Variants in BRAT1 observed in about 807,000 individuals in gnomAD.
The protein encoded by BRAT1 is BRCA1 associated ATM activator 1.
Under a neutral mutation model 70.6 loss-of-function variants are expected in BRAT1, and 74 were observed. That is an observed-to-expected ratio of 1.05 (90% confidence interval 0.87 to 1.27). The LOEUF (loss-of-function observed/expected upper bound fraction) is 1.27. BRAT1 is among the 50% of genes most tolerant of loss of function. BRAT1 has a pLI of 0.00. For synonymous variants in BRAT1, 615 were observed against 517.1 expected (o/e 1.19, Z -2.57); for missense variants, 1,203 against 1,098.2 (o/e 1.10, Z -1.35).
chr7:2,555,424 G>A (rs916393337), intron 1 of BRAT1, 63 bp downstream of exon 1: 4 of 151,626 alleles, frequency 2.6e-5, no homozygotes, highest in African/African-American at 4.9e-5. Flanking sequence ...CCCCTCGGCC[G>A]GGTCTTGGCC....
intron 10 of BRAT1, chr7:2,540,142 A>G: frequency 2.2e-6 from 1 of 448,658 alleles, no homozygotes; most frequent in Non-Finnish European, 3.9e-6. Context: ...CCTCAGCCTC[A>G]TGAGTAGCTG....
At position 2,541,787 on chromosome 7, in the gene BRAT1, C is replaced by T; in HGVS notation, c.1065G>A (p.Leu355=). 2 of 1,612,786 alleles carry T rather than the reference C, an allele frequency of 1.2e-6. No homozygotes were observed. The highest frequency in any genetic ancestry group is 1.1e-5 in the South Asian group (1 of 91,062). ...ADDATTVDTL[L]ASKSSCAGLL... Reference sequence around the variant, plus strand: ...GGCCGGCGCAGGACGACTTGGAGGCCAGGAGTGTGTCCACCGTCGTGGCAT... The same window carrying T: ...GGCCGGCGCAGGACGACTTGGAGGCTAGGAGTGTGTCCACCGTCGTGGCAT... The change falls in exon 8 of 14, where the codon CTG becomes CTA. Residue 355 remains leucine (L), a synonymous_variant. Transcript: ENST00000340611.
rs1451298376 is a variant in BRAT1 at position 2,543,685 on chromosome 7, C to T, written c.708G>A (p.Leu236=). The T allele has an allele frequency of 1.3e-5, 20 of 1,568,854 alleles. No individual in the cohort carries two copies. Among genetic ancestry groups the T allele is most frequent in the Non-Finnish European group, 1.5e-5 (17 of 1,151,756 alleles). ...CCACGCGGGGACTCAGCCGCACCCA[C>T]AGGGCTTCCGTCCAGGGGCTCTGGC... ...GRCQSPWTEA[L]WVRLSPRVAC... Residue 236 remains leucine (L), a synonymous_variant, in exon 5 of 14, where the codon CTG becomes CTA. Coordinates refer to ENST00000340611, the MANE Select transcript of BRAT1 (RefSeq NM_152743.4). The surrounding 1 kb of genome is among the most constrained non-coding windows in gnomAD (Gnocchi z 5.5).
intron 4 of BRAT1, 122 bp from the exon 5 acceptor site, chr7:2,544,084 C>T (rs1184810664): frequency 2.4e-6 from 2 of 816,730 alleles, no homozygotes; most frequent in Admixed American, 7.4e-5. Flanking sequence ...CCAAATGCCT[C>T]TCCACTCAAA....
intron 4 of BRAT1, 194 bp from the exon 5 acceptor site, chr7:2,544,156 A>C (rs1348071380): frequency 2.1e-6 from 1 of 466,882 alleles, no homozygotes; most frequent in Non-Finnish European, 3.8e-6. Context: ...CCGAGCGTTA[A>C]ACACACACAG....
At chr7:2,553,871 T>A (rs1257683487) in intron 2 of BRAT1, among the ~76,000 whole-genome samples, 1 of 151,740 alleles carries the variant, frequency 6.6e-6, no homozygotes, top group African/African-American at 2.4e-5. Context: ...GGTCTTGAAC[T>A]CCTGGACTTA....
chr7:2,539,885 G>C lies in BRAT1; in HGVS notation c.1399C>G (p.Leu467Val), dbSNP rs1172100720. The change falls in exon 11 of 14, where the codon CTG becomes GTG. Residue 467 changes from leucine to valine, a missense_variant. By Grantham distance (32) the Leu-to-Val change is conservative. Transcript: ENST00000340611. ...AGCGTGGCCTGGAAGGCCTTCTTCA[G>C]AACCTGGAGCAGATAGGGTGGGCTG... ...LESPGSSPTV[L>V]KKAFQATLRW... The C allele has an allele frequency of 6.4e-7, 1 of 1,560,698 alleles. No individual in the cohort carries two copies. The highest frequency in any genetic ancestry group is 1.4e-5 in the African/African-American group (1 of 73,306).
At chr7:2,545,168 A>C in intron 3 of BRAT1, 112 bp from the exon 4 acceptor site, 1 of 1,211,074 alleles carries the variant, frequency 8.3e-7, no homozygotes, top group Non-Finnish European at 1.1e-6. Context: ...GTTCGAGACC[A>C]GCCTGACCAA....
At chr7:2,552,183 T>A (rs2128412563) in intron 2 of BRAT1, among the ~76,000 whole-genome samples, 1 of 140,116 alleles carries the variant, frequency 7.1e-6, no homozygotes, top group East Asian at 2.2e-4. Context: ...AATGGCGTTA[T>A]CTCGGCTCAC....
chr7:2,543,756 T>G lies in BRAT1; in HGVS notation c.637A>C (p.Lys213Gln), dbSNP rs1456954192. The G allele has an allele frequency of 6.2e-7, 1 of 1,606,276 alleles. No individual in the cohort carries two copies. The highest frequency in any genetic ancestry group is 1.1e-5 in the South Asian group (1 of 90,688). ...EESLCSAATPKVTQALNVLTT... is the reference protein window; with the variant it reads ...EESLCSAATPQVTQALNVLTT... ...AGGACGTTCAGGGCCTGAGTGACCT[T>G]GGGGGTGGCCGCGGAGCACAAGGAC... Residue 213 changes from lysine (K) to glutamine (Q), a missense_variant, in exon 5 of 14, where the codon AAG (lysine) becomes CAG (glutamine). Transcript: ENST00000340611. This position sits in a 1 kb window ranked among gnomAD's most constrained non-coding sequence, Gnocchi z 5.5.
intron 6 of BRAT1, chr7:2,542,433 A>G (rs1779248895): frequency 1.2e-5 from 7 of 577,774 alleles, no homozygotes; most frequent in South Asian, 1.2e-4. Context: ...TGTCCTTAGG[A>G]GCAGATACTG....
chr7:2,539,386 G>C, intron 12 of BRAT1, 35 bp from the exon 13 acceptor site: 1 of 1,580,446 alleles, frequency 6.3e-7, no homozygotes, highest in Non-Finnish European at 8.6e-7. Flanking sequence ...AGCTGTGACT[G>C]AGGGCCGAGC....
At position 2,547,437 on chromosome 7, in the gene BRAT1, C is replaced by T. The variant is rs1432360316; in HGVS notation, c.169G>A (p.Glu57Lys). 6.2e-7 allele frequency: 1 copy of T among 1,614,090 alleles called. No homozygotes were observed. The change falls in exon 3 of 14, where the codon GAG becomes AAG. Residue 57 changes from glutamate to lysine, a missense_variant. Glu to Lys is a moderately conservative substitution (Grantham distance 56, BLOSUM62 1). Coordinates refer to ENST00000340611, the MANE Select transcript of BRAT1 (RefSeq NM_152743.4). Reference sequence around the variant, plus strand: ...ACTTTCAGCACATGGGACAGCAGCTCCACCAGGCAGGGGTGCTCCTGCAGC... The same window carrying T: ...ACTTTCAGCACATGGGACAGCAGCTTCACCAGGCAGGGGTGCTCCTGCAGC... Reference protein sequence around the residue: ...VLLQEHPCLVELLSHVLKVQD... With the variant: ...VLLQEHPCLVKLLSHVLKVQD...
chr7:2,554,373 C>T lies in BRAT1; in HGVS notation c.59G>A (p.Arg20Lys), dbSNP rs143390199. The change falls in exon 2 of 14, where the codon AGG becomes AAG. Residue 20 changes from arginine (R) to lysine (K), a missense_variant. Arg to Lys is a conservative substitution (Grantham distance 26). Coordinates refer to ENST00000340611, the MANE Select transcript of BRAT1 (RefSeq NM_152743.4). The part of the protein sequence containing the change: ...PALCAVLVDP[R>K]QPVADDTCLE... ...ACAGGTGTCATCTGCCACCGGCTGC[C>T]TGGGATCTACCAGAACAGCACAGAG... 71 of 1,613,978 alleles carry T rather than the reference C, an allele frequency of 4.4e-5. 1 individual carries two copies. Among genetic ancestry groups the T allele is most frequent in the Admixed American group, 2.3e-4 (14 of 59,998 alleles).
At position 2,542,172 on chromosome 7, in the gene BRAT1, G is replaced by T; in HGVS notation, c.963C>A (p.Leu321=). 1 of 1,571,850 alleles carries T rather than the reference G, an allele frequency of 6.4e-7. No individual in the cohort carries two copies. Among genetic ancestry groups the T allele is most frequent in the Non-Finnish European group, 8.6e-7 (1 of 1,158,462 alleles). The stretch of plus-strand genomic sequence containing the variant: ...CCTTCAGGACACAGGCCAGGGGCTG[G>T]AGAAGGACCTGGAAGGCCTGGGTCC... ...ALRTQAFQVL[L]QPLACVLKAT... The change falls in exon 7 of 14, where the codon CTC becomes CTA. Residue 321 remains leucine, a synonymous_variant. Transcript: ENST00000340611.
intron 10 of BRAT1, 79 bp downstream of exon 10, chr7:2,540,900 C>G: frequency 7.4e-7 from 1 of 1,352,654 alleles, no homozygotes. Context: ...GAGGCCTGCA[C>G]GGGACGGGGT....
rs770419973 is a variant in BRAT1 at position 2,543,968 on chromosome 7, T to G, written c.431-6A>C. The stretch of plus-strand genomic sequence containing the variant: ...GAAGATGGTGTCGACCGCACCTGGG[T>G]AGGGGATGGGGGAAGAGAGGGAAAA... On this transcript the variant is annotated splice_region_variant and splice_polypyrimidine_tract_variant and intron_variant, in intron 4 of 13. Coordinates refer to ENST00000340611, the MANE Select transcript of BRAT1 (RefSeq NM_152743.4). This position sits in a 1 kb window ranked among gnomAD's most constrained non-coding sequence, Gnocchi z 5.5. 50 of 1,528,804 alleles carry G rather than the reference T, an allele frequency of 3.3e-5. No homozygotes were observed. The Middle Eastern group carries it at 1.0e-3, about 32-fold the overall frequency. 94.7% of individuals were successfully genotyped at this position (1,528,804 alleles called of 1,614,324 possible). A position where few individuals can be genotyped will look rare whatever the true frequency, so the allele number is the denominator to read the frequency against.
rs1778896115 is a variant in BRAT1, at chr7:2,538,729, T to C, written c.1806A>G (p.Val602=). 1 of 1,598,366 alleles carries C rather than the reference T, an allele frequency of 6.3e-7. No homozygotes were observed. Among genetic ancestry groups the C allele is most frequent in the East Asian group, 2.2e-5 (1 of 44,868 alleles). ...CCCGCCGTGGGAAGCCCTCCGAGTC[T>C]ACGGAGAGGATGTGCAGGAGCTCCA... ...LFLELLHILS[V]DSEGFPRRAV... The change falls in exon 14 of 14, where the codon GTA becomes GTG. Residue 602 remains valine (V), a synonymous_variant. Coordinates refer to ENST00000340611, the MANE Select transcript of BRAT1 (RefSeq NM_152743.4).
rs1384428059 is a variant in BRAT1 at position 2,541,387 on chromosome 7, A to C, written c.1232T>G (p.Val411Gly). The change falls in exon 9 of 14, where the codon GTG becomes GGG. Residue 411 changes from valine (V) to glycine (G), a missense_variant. Physicochemically the swap from Val to Gly is moderately radical, Grantham distance 109 (BLOSUM62 -3). Transcript: ENST00000340611. ...CDGSAAPASSVGGHLCGTLAG... is the reference protein window; with the variant it reads ...CDGSAAPASSGGGHLCGTLAG... Reference sequence around the variant, plus strand: ...CAGGGTCCCACAGAGGTGGCCCCCCACACTGGAGGCAGGGGCAGCCGAGCC... The same window carrying C: ...CAGGGTCCCACAGAGGTGGCCCCCCCCACTGGAGGCAGGGGCAGCCGAGCC... 3 of 1,606,772 alleles carry C rather than the reference A, an allele frequency of 1.9e-6. No homozygotes were observed.
Sources: allele counts gnomAD v4.1 joint callset (sites outside exome capture counted in the v4.1 genomes callset), GRCh38; gene constraint gnomAD v4.1.1; non-coding constraint Gnocchi (gnomAD v3.1); transcripts MANE v1.5; gene names NCBI Gene and HGNC (gene_info 2026-07-23, HGNC 2026-07-21).